ZP3: variants seen among roughly 807,000 people sequenced by gnomAD.
ZP3 encodes the protein zona pellucida glycoprotein 3.
A neutral mutation model predicts 35.6 loss-of-function variants in ZP3; 21 were observed. The observed-to-expected ratio is 0.59, with a 90% CI of 0.42 to 0.85. ZP3 has a LOEUF of 0.85. Among genes scored for constraint, ZP3 ranks in the 40% least tolerant of loss-of-function variants. The probability of loss-of-function intolerance (pLI) is 0.00; values close to 1 mark genes in which losing one functional copy is unlikely to be tolerated. For missense variants in ZP3, 437 were observed against 536.5 expected (o/e 0.81, Z 1.83); for synonymous variants, 207 against 214.5 (o/e 0.96, Z 0.31).
chr7:76,440,935 G>C (rs1171562478), intron 7 of ZP3, among the ~76,000 whole-genome samples: 4 of 152,158 alleles, frequency 2.6e-5, no homozygotes, highest in Admixed American at 2.6e-4. Context: ...ACTTCGGGAG[G>C]CCAAGGCGGG....
intron 1 of ZP3, chr7:76,398,671 G>C (rs1349335219): frequency 2.5e-6 from 4 of 1,583,346 alleles, no homozygotes; most frequent in Non-Finnish European, 3.5e-6. Context: ...TAGGGTGTGA[G>C]AGACTCCTCT....
intron 1 of ZP3, chr7:76,404,337 C>A: frequency 6.2e-7 from 1 of 1,610,788 alleles, no homozygotes; most frequent in Non-Finnish European, 8.5e-7. Flanking sequence ...AAAGACAGGG[C>A]TTGGGGGAGG....
upstream of ZP3, among the ~76,000 whole-genome samples, chr7:76,423,213 AAGAG>A (rs776363895): frequency 6.9e-6 from 1 of 144,972 alleles, no homozygotes; most frequent in African/African-American, 2.5e-5. Context: ...GAGAGAGGGA[AAGAG>A]AGAGAGAGAG....
chr7:76,413,503 G>A (rs1205957650), intron 1 of ZP3, among the ~76,000 whole-genome samples: 1 of 151,482 alleles, frequency 6.6e-6, no homozygotes, highest in African/African-American at 2.4e-5. Flanking sequence ...TTCAGCTCAA[G>A]CAATCCTCCC....
chr7:76,438,107 AATTGCCATGCTCTGCCCGAG>A (rs1372358289), intron 5 of ZP3, among the ~76,000 whole-genome samples: 1 of 152,244 alleles, frequency 6.6e-6, no homozygotes, highest in Non-Finnish European at 1.5e-5. Flanking sequence ...AAGGTGGCAG[AATTGCCATGCTCTGCCCGAG>A]GTTGAGCAGG....
chr7:76,397,955 G>A, intron 1 of ZP3: 1 of 1,012,082 alleles, frequency 9.9e-7, no homozygotes, highest in Non-Finnish European at 1.4e-6. Context: ...CCGCTGCCCA[G>A]GGTACCGCCT....
intron 1 of ZP3, chr7:76,404,539 C>T (rs1004511499): frequency 9.6e-5 from 153 of 1,587,814 alleles, no homozygotes; most frequent in Non-Finnish European, 1.2e-4. Flanking sequence ...TGCTGGGCCT[C>T]CCAGCACTTT....
At chr7:76,428,496 C>T (rs538551782) in intron 1 of ZP3, 1 of 152,268 alleles carries the variant, frequency 6.6e-6, no homozygotes, top group East Asian at 1.9e-4. Context: ...AATCTTCGAA[C>T]TTAGGTGTTT....
At chr7:76,411,230 A>G (rs1020767337) in intron 1 of ZP3, among the ~76,000 whole-genome samples, 3 of 151,618 alleles carry the variant, frequency 2.0e-5, no homozygotes, top group Non-Finnish European at 2.9e-5. Flanking sequence ...CTCCTTCCCA[A>G]TCAGATTTTT....
chr7:76,421,365 G>A (rs958367160), upstream of ZP3, among the ~76,000 whole-genome samples: 1 of 151,922 alleles, frequency 6.6e-6, no homozygotes, highest in Non-Finnish European at 1.5e-5. Context: ...CAAGTAGCTA[G>A]GACTACAGCT....
At chr7:76,426,625 C>T (rs1805660028) in intron 1 of ZP3, among the ~76,000 whole-genome samples, 1 of 151,968 alleles carries the variant, frequency 6.6e-6, no homozygotes, top group Non-Finnish European at 1.5e-5. Context: ...CTTAGATTTA[C>T]TTGGGGAGCC....
intron 1 of ZP3, among the ~76,000 whole-genome samples, chr7:76,426,647 TC>T (rs369539407): frequency 0.01 from 1,537 of 151,042 alleles, 35 homozygotes; most frequent in African/African-American, 0.035. Context: ...GGTGCCTGGC[TC>T]CCCCCCCTTC....
chr7:76,404,546 C>A, intron 1 of ZP3: 1 of 1,540,106 alleles, frequency 6.5e-7, no homozygotes, highest in East Asian at 2.3e-5. Context: ...CCTCCCAGCA[C>A]TTTGGGAGGC....
intron 1 of ZP3, chr7:76,401,004 C>A: frequency 6.4e-7 from 1 of 1,550,704 alleles, no homozygotes; most frequent in East Asian, 2.4e-5. Flanking sequence ...GGTGGGGCAC[C>A]TACCTTGAAA....
At position 76,429,446 on chromosome 7, in the gene ZP3, C is replaced by T. The variant is rs758408775; in HGVS notation, c.313-69C>T. 4 of 1,492,204 alleles carry T rather than the reference C, an allele frequency of 2.7e-6. No individual in the cohort carries two copies. The African/African-American group carries it at 5.5e-5, about 21-fold the overall frequency. The allele number at this position is 1,492,204 out of a possible 1,614,324, so 92.4% of individuals were successfully genotyped here. A position where few individuals can be genotyped will look rare whatever the true frequency, so the allele number is the denominator to read the frequency against. On this transcript the variant is annotated intron_variant, in intron 1 of 7. Coordinates refer to ENST00000394857, the MANE Select transcript of ZP3 (RefSeq NM_001110354.2). ...CCTTGTGGGCTGCCCTCCCTGAGCA[C>T]TCAGGTATGGCTTGGGAGTACCCGG...
At chr7:76,401,453 G>A (rs930607445) in intron 1 of ZP3, among the ~76,000 whole-genome samples, 20 of 151,894 alleles carry the variant, frequency 1.3e-4, no homozygotes, top group Admixed American at 1.1e-3. Flanking sequence ...TCTCACTCTT[G>A]TCACCCAGGC....
In ZP3 at chr7:76,436,030, C is replaced by CTTTTTTTT. The variant is rs60553917; in HGVS notation, c.831+1913_831+1920dup. On this transcript the variant is annotated intron_variant, in intron 5 of 7. Transcript: ENST00000394857. The stretch of plus-strand genomic sequence containing the variant: ...TGAACCACCACGCGCCCCCCGCCCC[C>CTTTTTTTT]TTTTTTTTTTTTTTTTTTTTTTTTT... Among the ~76,000 whole-genome samples the CTTTTTTTT allele has an allele frequency of 3.4e-4, 25 of 74,356 alleles. 1 individual carries two copies. Among genetic ancestry groups the CTTTTTTTT allele is most frequent in the African/African-American group, 4.6e-4 (9 of 19,698 alleles). 48.8% of individuals were successfully genotyped at this position (74,356 alleles called of 152,430 possible).
At chr7:76,432,228 G>T (rs1205275273) in intron 2 of ZP3, among the ~76,000 whole-genome samples, 1 of 150,694 alleles carries the variant, frequency 6.6e-6, no homozygotes, top group Non-Finnish European at 1.5e-5. Flanking sequence ...TTGCTCTGTT[G>T]CCCAGGCTGG....
intron 2 of ZP3, among the ~76,000 whole-genome samples, chr7:76,431,553 G>C (rs1805824839): frequency 6.6e-6 from 1 of 152,120 alleles, no homozygotes; most frequent in South Asian, 2.1e-4. Flanking sequence ...CACTGGTGTG[G>C]GTCCAGGCTC....
Sources: allele counts gnomAD v4.1 joint callset (sites outside exome capture counted in the v4.1 genomes callset), GRCh38; gene constraint gnomAD v4.1.1; transcripts MANE v1.5; gene names NCBI Gene and HGNC (gene_info 2026-07-23, HGNC 2026-07-21).